Variants in EPB41L2 observed in about 807,000 individuals in gnomAD.
The protein encoded by EPB41L2 is band 4.1-like protein 2.
A neutral mutation model predicts 113.0 loss-of-function variants in EPB41L2; 43 were observed. The observed-to-expected ratio is 0.38, with a 90% confidence interval of 0.30 to 0.49. EPB41L2 has a LOEUF of 0.49. Ranked by LOEUF, EPB41L2 falls within the 20% of genes least tolerant of loss-of-function variation. The pLI is 0.95. For synonymous variants in EPB41L2, 442 were observed against 436.7 expected, an observed-to-expected ratio of 1.01 and a Z score of -0.15; for missense variants, 1,147 against 1,223.4, an observed-to-expected ratio of 0.94 and a Z score of 0.93.
chr6:131,016,965 C>T (rs1788385012), intron 1 of EPB41L2, among the ~76,000 whole-genome samples: 1 of 152,040 alleles, frequency 6.6e-6, no homozygotes, highest in African/African-American at 2.4e-5. Flanking sequence ...TTGTTCTAAA[C>T]ACTTATTTGC....
chr6:131,020,095 T>C (rs924042419), intron 1 of EPB41L2, among the ~76,000 whole-genome samples: 11 of 152,154 alleles, frequency 7.2e-5, no homozygotes, highest in African/African-American at 2.2e-4. Flanking sequence ...CATAGATGTA[T>C]ATATTTATAT....
At chr6:131,033,938 T>C (rs1439770815) in intron 1 of EPB41L2, among the ~76,000 whole-genome samples, 1 of 152,212 alleles carries the variant, frequency 6.6e-6, no homozygotes, top group East Asian at 1.9e-4. Context: ...AATGGCAAAT[T>C]TTTTACATAT....
At chr6:130,926,856 A>T in intron 3 of EPB41L2, 147 bp from the exon 4 acceptor site, 2 of 576,528 alleles carry the variant, frequency 3.5e-6, no homozygotes, top group Middle Eastern at 9.4e-4. Flanking sequence ...AAAGTGATTA[A>T]TTTTTTAACT....
chr6:130,936,152 G>T (rs1483116030), intron 3 of EPB41L2, among the ~76,000 whole-genome samples: 1 of 152,182 alleles, frequency 6.6e-6, no homozygotes, highest in African/African-American at 2.4e-5. Flanking sequence ...GGTAATAAAA[G>T]TTTAATGGAA....
chr6:130,854,975 T>C (rs2128416864), intron 19 of EPB41L2, among the ~76,000 whole-genome samples: 1 of 151,970 alleles, frequency 6.6e-6, no homozygotes, highest in East Asian at 1.9e-4. Flanking sequence ...GAGGCAGAGG[T>C]TGCAGTGGGT....
chr6:130,874,409 C>T (rs996477212), intron 14 of EPB41L2, among the ~76,000 whole-genome samples: 13 of 151,754 alleles, frequency 8.6e-5, no homozygotes, highest in South Asian at 2.1e-4. Context: ...CAAAGATAAA[C>T]GAGAACCCCT....
At chr6:130,959,085 G>A (rs1428741199) in intron 1 of EPB41L2, among the ~76,000 whole-genome samples, 1 of 152,198 alleles carries the variant, frequency 6.6e-6, no homozygotes, top group African/African-American at 2.4e-5. Flanking sequence ...TAAAGAGGTA[G>A]AGTGGATATG....
At chr6:130,888,182 G>A (rs1214297993) in intron 11 of EPB41L2, among the ~76,000 whole-genome samples, 3 of 152,106 alleles carry the variant, frequency 2.0e-5, no homozygotes, top group Non-Finnish European at 4.4e-5. Flanking sequence ...TCAGTGCCAG[G>A]TTACAGCCTA....
At chr6:131,062,500 C>A (rs1798868758) in intron 1 of EPB41L2, 3 of 151,870 alleles carry the variant, frequency 2.0e-5, no homozygotes, top group Admixed American at 2.0e-4. Context: ...CGTCCCTCTC[C>A]GCAGCTCCCA....
chr6:131,023,126 TAA>T (rs1789894666), intron 1 of EPB41L2, among the ~76,000 whole-genome samples: 2 of 152,366 alleles, frequency 1.3e-5, no homozygotes, highest in South Asian at 2.1e-4. Flanking sequence ...CAATTTTACA[TAA>T]AGTTTCATAA....
At chr6:131,037,345 G>C (rs1032532582) in intron 1 of EPB41L2, among the ~76,000 whole-genome samples, 4 of 152,120 alleles carry the variant, frequency 2.6e-5, no homozygotes, top group African/African-American at 9.7e-5. Context: ...ACAAAAGACA[G>C]AGGTATTAAC....
rs543419081 is a variant in EPB41L2, at chr6:131,015,354, A to T, written c.-15+47801T>A. ...ATAGCCTGTAAGACAATCACCAAAA[A>T]GTAAAAACAGAGATTTCTTGAGTTA... On this transcript the variant is annotated intron_variant, in intron 1 of 19. Coordinates refer to ENST00000337057, the MANE Select transcript of EPB41L2 (RefSeq NM_001431.4). 3.9e-5 allele frequency: 6 copies of T among 152,360 alleles called. No homozygotes were observed. The South Asian group carries it at 1.2e-3, about 32-fold the overall frequency. The allele number at this position is 152,360 out of a possible 1,614,324, so 9.4% of individuals were successfully genotyped here. A position where few individuals can be genotyped will look rare whatever the true frequency, so the allele number is the denominator to read the frequency against.
intron 1 of EPB41L2, among the ~76,000 whole-genome samples, chr6:131,039,187 CCTT>C (rs1311249010): frequency 6.6e-6 from 1 of 152,170 alleles, no homozygotes. Flanking sequence ...ACAAGGTTGA[CCTT>C]CTCTCAACAG....
chr6:130,896,458 CAGA>C, intron 8 of EPB41L2, among the ~76,000 whole-genome samples: 1 of 152,174 alleles, frequency 6.6e-6, no homozygotes, highest in Non-Finnish European at 1.5e-5. Context: ...GGGAGCAAGG[CAGA>C]AGATTGCCCG....
intron 1 of EPB41L2, among the ~76,000 whole-genome samples, chr6:131,017,981 A>C (rs761277165): frequency 2.3e-4 from 35 of 152,102 alleles, no homozygotes; most frequent in Admixed American, 5.9e-4. Flanking sequence ...TTTCTTATTA[A>C]TTTGTAACAG....
intron 3 of EPB41L2, among the ~76,000 whole-genome samples, chr6:130,927,342 T>C (rs1018200236): frequency 2.0e-5 from 3 of 152,066 alleles, no homozygotes; most frequent in African/African-American, 7.2e-5. Flanking sequence ...TGAATATATA[T>C]ATATAAATTT....
At chr6:130,889,295 A>G (rs942075423) in intron 11 of EPB41L2, among the ~76,000 whole-genome samples, 1 of 152,016 alleles carries the variant, frequency 6.6e-6, no homozygotes, top group Non-Finnish European at 1.5e-5. Flanking sequence ...GCATTCTAAT[A>G]TAAATTTAAC....
At chr6:130,942,634 G>A (rs1326020653) in intron 3 of EPB41L2, among the ~76,000 whole-genome samples, 1 of 152,050 alleles carries the variant, frequency 6.6e-6, no homozygotes, top group African/African-American at 2.4e-5. Flanking sequence ...TTAAGTTCTG[G>A]GATATGTGTG....
chr6:130,907,335 C>A (rs1238811115), intron 5 of EPB41L2, among the ~76,000 whole-genome samples: 1 of 152,200 alleles, frequency 6.6e-6, no homozygotes, highest in Admixed American at 6.5e-5. Flanking sequence ...ATAAGGTAAG[C>A]ATAATGTATC....
Sources: allele counts gnomAD v4.1 joint callset (sites outside exome capture counted in the v4.1 genomes callset), GRCh38; gene constraint gnomAD v4.1.1; transcripts MANE v1.5; gene names NCBI Gene and HGNC (gene_info 2026-07-23, HGNC 2026-07-21).